Variants in IFT81 observed in about 807,000 individuals in gnomAD.
IFT81 encodes the protein intraflagellar transport protein 81 homolog.
In IFT81, 72 loss-of-function variants were observed where a neutral mutation model predicts 102.6. The ratio of observed to expected loss-of-function variants is 0.70; its 90% confidence interval spans 0.58 to 0.85. The LOEUF is 0.85. Ranked by LOEUF, IFT81 falls within the 40% of genes least tolerant of loss-of-function variation. The pLI is 0.00. For synonymous variants in IFT81, 237 were observed against 242.7 expected, an observed-to-expected ratio of 0.98 and a Z score of 0.22; for missense variants, 723 against 787.3, an observed-to-expected ratio of 0.92 and a Z score of 0.98.
Position 110,135,357 on chromosome 12 carries a change from C to T in IFT81, c.616C>T (p.Leu206Phe), listed in dbSNP as rs759697593. The T allele has an allele frequency of 6.2e-7, 1 of 1,612,606 alleles. No individual in the cohort carries two copies. Among genetic ancestry groups the T allele is most frequent in the East Asian group, 2.2e-5 (1 of 44,838 alleles). Residue 206 changes from leucine to phenylalanine, a missense_variant, in exon 7 of 19, where the codon CTT becomes TTT. Coordinates refer to ENST00000242591, the MANE Select transcript of IFT81 (RefSeq NM_014055.4). Reference protein sequence around the residue: ...VETAQNHQWMLKIARQLRVEK... With the variant: ...VETAQNHQWMFKIARQLRVEK... Reference sequence around the variant, plus strand: ...GACAGCTCAGAATCATCAATGGATGCTTAAAATAGCAAGGCAACTTCGAGT... The same window carrying T: ...GACAGCTCAGAATCATCAATGGATGTTTAAAATAGCAAGGCAACTTCGAGT...
chr12:110,182,192 A>G (rs1295415309), intron 12 of IFT81, among the ~76,000 whole-genome samples: 7 of 152,184 alleles, frequency 4.6e-5, no homozygotes, highest in Admixed American at 6.5e-5. Flanking sequence ...AACATCTACT[A>G]CAGTTCACCC....
intron 5 of IFT81, 26 bp downstream of exon 5, chr12:110,132,662 AT>A: frequency 8.9e-6 from 11 of 1,235,742 alleles, no homozygotes; most frequent in Middle Eastern, 1.9e-4. Context: ...CATAGTAACA[AT>A]TTTTTTGGGA....
intron 4 of IFT81, among the ~76,000 whole-genome samples, chr12:110,130,439 G>A (rs761231344): frequency 8.0e-5 from 12 of 149,286 alleles, no homozygotes; most frequent in African/African-American, 2.2e-4. Flanking sequence ...GTGCAATCTC[G>A]GCTCACTGCA....
intron 10 of IFT81, among the ~76,000 whole-genome samples, chr12:110,155,842 T>C (rs1054693494): frequency 1.2e-4 from 19 of 152,298 alleles, no homozygotes; most frequent in African/African-American, 4.3e-4. Context: ...GTGTATATTC[T>C]ATAGCTATTT....
intron 10 of IFT81, among the ~76,000 whole-genome samples, chr12:110,162,686 T>C (rs1253728477): frequency 6.6e-6 from 1 of 152,132 alleles, no homozygotes; most frequent in Non-Finnish European, 1.5e-5. Context: ...ATGTCTTACA[T>C]TTTCAGAGCT....
At chr12:110,156,805 A>G (rs1895864460) in intron 10 of IFT81, among the ~76,000 whole-genome samples, 1 of 152,010 alleles carries the variant, frequency 6.6e-6, no homozygotes, top group Admixed American at 6.6e-5. Context: ...CCTCTCCCTT[A>G]CTTTTGAAGG....
intron 11 of IFT81, among the ~76,000 whole-genome samples, chr12:110,178,805 T>C (rs960722525): frequency 1.3e-5 from 2 of 149,092 alleles, no homozygotes; most frequent in African/African-American, 2.5e-5. Flanking sequence ...TTAGTAGAGA[T>C]GGGGTTTCAC....
chr12:110,173,500 T>A (rs1362928681), intron 11 of IFT81, among the ~76,000 whole-genome samples: 1 of 152,020 alleles, frequency 6.6e-6, no homozygotes, highest in Admixed American at 6.5e-5. Flanking sequence ...ATGATGACAA[T>A]GGTGGTTTTG....
chr12:110,139,768 C>T (rs1365531450), intron 8 of IFT81, among the ~76,000 whole-genome samples: 3 of 141,026 alleles, frequency 2.1e-5, no homozygotes, highest in East Asian at 4.2e-4. Flanking sequence ...AGTGAGACTC[C>T]ATCTCAAAAT....
At chr12:110,142,171 T>G (rs886609412) in intron 8 of IFT81, among the ~76,000 whole-genome samples, 1 of 152,216 alleles carries the variant, frequency 6.6e-6, no homozygotes, top group Admixed American at 6.5e-5. Flanking sequence ...TTTTTTCTTT[T>G]GTTTTTTTGA....
chr12:110,162,854 T>G (rs1009821353), intron 10 of IFT81, 65 bp from the exon 11 acceptor site: 8 of 1,377,630 alleles, frequency 5.8e-6, no homozygotes, highest in Non-Finnish European at 7.9e-6. Context: ...AAATAGATAA[T>G]TTCACAAGAT....
At chr12:110,146,727 G>T (rs905077364) in intron 9 of IFT81, among the ~76,000 whole-genome samples, 1 of 151,984 alleles carries the variant, frequency 6.6e-6, no homozygotes, top group African/African-American at 2.4e-5. Context: ...CCAGCACTTT[G>T]GGAGGCCAAG....
chr12:110,200,747 A>G (rs1898222373), intron 14 of IFT81, among the ~76,000 whole-genome samples: 2 of 152,130 alleles, frequency 1.3e-5, no homozygotes, highest in Admixed American at 1.3e-4. Context: ...CAGGAGTTCC[A>G]GACCAGCCTG....
chr12:110,177,274 TTTG>T, intron 11 of IFT81, among the ~76,000 whole-genome samples: 1 of 151,570 alleles, frequency 6.6e-6, no homozygotes, highest in Non-Finnish European at 1.5e-5. Context: ...GTTTTTTTGT[TTTG>T]TTTTGTTTTG....
At chr12:110,133,193 A>T (rs1251210667) in intron 5 of IFT81, among the ~76,000 whole-genome samples, 6 of 151,002 alleles carry the variant, frequency 4.0e-5, no homozygotes, top group Non-Finnish European at 8.9e-5. Flanking sequence ...GTTGGTCTTG[A>T]CCTCCTGGGC....
chr12:110,164,147 A>G (rs990786853), intron 11 of IFT81, among the ~76,000 whole-genome samples: 20 of 152,228 alleles, frequency 1.3e-4, no homozygotes, highest in African/African-American at 4.6e-4. Context: ...GAAGCTTACA[A>G]CTTTAAAAAA....
intron 12 of IFT81, among the ~76,000 whole-genome samples, chr12:110,186,093 A>AC (rs1462437135): frequency 3.9e-5 from 6 of 152,098 alleles, no homozygotes; most frequent in African/African-American, 1.4e-4. Flanking sequence ...TTTTCTTAAG[A>AC]CACCTGTATT....
intron 11 of IFT81, among the ~76,000 whole-genome samples, chr12:110,164,386 T>A (rs1451806826): frequency 6.6e-6 from 1 of 151,970 alleles, no homozygotes; most frequent in African/African-American, 2.4e-5. Flanking sequence ...AGTGCTTTTT[T>A]AGCAAAATAA....
intron 2 of IFT81, 123 bp downstream of exon 2, chr12:110,127,647 TAGTAAATA>T: frequency 1.2e-6 from 1 of 827,362 alleles, no homozygotes; most frequent in Non-Finnish European, 1.8e-6. Flanking sequence ...TGTAAAGTAA[TAGTAAATA>T]ATGCATAACA....
Sources: allele counts gnomAD v4.1 joint callset (sites outside exome capture counted in the v4.1 genomes callset), GRCh38; gene constraint gnomAD v4.1.1; transcripts MANE v1.5; gene names NCBI Gene and HGNC (gene_info 2026-07-23, HGNC 2026-07-21).